Variants in SIPA1L1 observed in about 807,000 individuals in gnomAD.
SIPA1L1 encodes the protein signal-induced proliferation-associated 1-like protein 1.
In SIPA1L1, 26 loss-of-function variants were observed where a neutral mutation model predicts 162.7. The observed-to-expected ratio is 0.16, with a 90% CI of 0.12 to 0.22. SIPA1L1 has a LOEUF of 0.22. Among genes scored for constraint, SIPA1L1 ranks in the 10% least tolerant of loss-of-function variants. The pLI, the probability that SIPA1L1 is intolerant of heterozygous loss-of-function variation, is 1.00. For missense variants in SIPA1L1, 1,874 were observed against 2,241.0 expected (o/e 0.84, Z 3.31); for synonymous variants, 829 against 837.4 (o/e 0.99, Z 0.17).
chr14:71,592,826 C>T (rs915737107), intron 5 of SIPA1L1, among the ~76,000 whole-genome samples: 1 of 152,178 alleles, frequency 6.6e-6, no homozygotes, highest in Admixed American at 6.5e-5. Context: ...TGGAAAAATA[C>T]TGGATCAGTA....
chr14:71,652,453 A>G (rs1258180874), intron 8 of SIPA1L1, among the ~76,000 whole-genome samples: 3 of 152,240 alleles, frequency 2.0e-5, no homozygotes, highest in Non-Finnish European at 2.9e-5. Context: ...TTCAAGGATC[A>G]TTCCCACTGT....
intron 2 of SIPA1L1, among the ~76,000 whole-genome samples, chr14:71,335,754 G>A (rs2035028612): frequency 2.0e-5 from 3 of 152,122 alleles, no homozygotes; most frequent in Non-Finnish European, 4.4e-5. Flanking sequence ...TATAAAATAG[G>A]TTTACCCATC....
At chr14:71,473,456 A>G (rs895618588) in intron 2 of SIPA1L1, among the ~76,000 whole-genome samples, 5 of 152,160 alleles carry the variant, frequency 3.3e-5, no homozygotes, top group African/African-American at 1.2e-4. Context: ...ATCCCTTTTT[A>G]CACAGCTAGT....
At chr14:71,637,573 T>A (rs71427120) in intron 7 of SIPA1L1, among the ~76,000 whole-genome samples, 2,027 of 151,752 alleles carry the variant, frequency 0.013, 15 homozygotes, top group South Asian at 0.026. Context: ...CTACAAAAAA[T>A]TTAAAAAAAA....
At chr14:71,500,954 C>A (rs893891466) in intron 2 of SIPA1L1, among the ~76,000 whole-genome samples, 20 of 152,126 alleles carry the variant, frequency 1.3e-4, no homozygotes, top group African/African-American at 4.6e-4. Context: ...TGCGGTGACC[C>A]GAGATCGTGC....
At chr14:71,617,487 T>A (rs2038963373) in intron 5 of SIPA1L1, among the ~76,000 whole-genome samples, 1 of 152,250 alleles carries the variant, frequency 6.6e-6, no homozygotes, top group Non-Finnish European at 1.5e-5. Context: ...TCCCATTGTG[T>A]TTTTCTTCTT....
chr14:71,598,524 C>T (rs1259514871), intron 5 of SIPA1L1, among the ~76,000 whole-genome samples: 5 of 152,168 alleles, frequency 3.3e-5, no homozygotes, highest in African/African-American at 1.2e-4. Flanking sequence ...TTGAAACTAT[C>T]AGACAAACCC....
intron 2 of SIPA1L1, among the ~76,000 whole-genome samples, chr14:71,408,951 T>C (rs1464183239): frequency 6.6e-6 from 1 of 152,098 alleles, no homozygotes; most frequent in Non-Finnish European, 1.5e-5. Context: ...CCTAAAGACC[T>C]CCTCATGGTT....
intron 4 of SIPA1L1, among the ~76,000 whole-genome samples, chr14:71,581,021 T>C (rs947638973): frequency 5.3e-5 from 8 of 152,200 alleles, no homozygotes; most frequent in Admixed American, 4.6e-4. Context: ...AAATTTGTAA[T>C]GTATTTTCAG....
At chr14:71,659,641 A>G (rs1028664277) in intron 9 of SIPA1L1, among the ~76,000 whole-genome samples, 10 of 152,218 alleles carry the variant, frequency 6.6e-5, no homozygotes, top group African/African-American at 2.4e-4. Flanking sequence ...TGATCCTTAA[A>G]GAGAGCATAA....
chr14:71,542,302 TTCCTCCTCC>T, intron 4 of SIPA1L1, among the ~76,000 whole-genome samples: 1 of 148,892 alleles, frequency 6.7e-6, no homozygotes, highest in Non-Finnish European at 1.5e-5. Context: ...TCTTCTCCTC[TTCCTCCTCC>T]TCCTCTTCCT....
At chr14:71,356,110 C>A (rs145704212) in intron 2 of SIPA1L1, among the ~76,000 whole-genome samples, 1 of 152,164 alleles carries the variant, frequency 6.6e-6, no homozygotes, top group East Asian at 1.9e-4. Flanking sequence ...GACTCACCCC[C>A]CTTCTTCCAC....
intron 2 of SIPA1L1, among the ~76,000 whole-genome samples, chr14:71,495,037 A>T (rs1341834108): frequency 6.6e-6 from 1 of 152,128 alleles, no homozygotes; most frequent in African/African-American, 2.4e-5. Context: ...CAGACAGAGG[A>T]TTTTTTAATT....
chr14:71,524,598 C>T (rs549929035), intron 3 of SIPA1L1, among the ~76,000 whole-genome samples: 1 of 152,302 alleles, frequency 6.6e-6, no homozygotes, highest in South Asian at 2.1e-4. Context: ...GTCCTTTCAT[C>T]ATCTCAGTTT....
chr14:71,508,308 T>G (rs1222031352), intron 2 of SIPA1L1, among the ~76,000 whole-genome samples: 1 of 152,178 alleles, frequency 6.6e-6, no homozygotes, highest in African/African-American at 2.4e-5. Flanking sequence ...CCAGTAAAGG[T>G]GGCACTTTAA....
chr14:71,390,889 A>G (rs2040690916), intron 2 of SIPA1L1, among the ~76,000 whole-genome samples: 1 of 152,040 alleles, frequency 6.6e-6, no homozygotes, highest in Admixed American at 6.5e-5. Flanking sequence ...AAAAATCTCC[A>G]CTGGCCTTCT....
chr14:71,702,417 C>G lies in SIPA1L1; in HGVS notation c.3558C>G (p.Asp1186Glu). The change falls in exon 15 of 24, where the codon GAC becomes GAG. Residue 1186 changes from aspartate (D) to glutamate (E), a missense_variant. Asp to Glu is a conservative substitution (Grantham distance 45). This residue lies in a region of SIPA1L1 where 936 missense variants were observed against 1,051.9 expected (regional missense o/e 0.89). Coordinates refer to ENST00000381232, the MANE Select transcript of SIPA1L1 (RefSeq NM_001386936.1). ...GVSRRSPASI[D>E]RQNTQSDIGG... The stretch of plus-strand genomic sequence containing the variant: ...GCCGTAGATCCCCAGCCTCCATTGA[C>G]AGGCAGAACACCCAGTCAGATATTG... 1 of 1,614,134 alleles carries G rather than the reference C, an allele frequency of 6.2e-7. No homozygotes were observed. The highest frequency in any genetic ancestry group is 8.5e-7 in the Non-Finnish European group (1 of 1,179,968).
At chr14:71,344,716 T>C (rs568836633) in intron 2 of SIPA1L1, among the ~76,000 whole-genome samples, 4 of 152,232 alleles carry the variant, frequency 2.6e-5, no homozygotes, top group Admixed American at 2.6e-4. Context: ...TGCGCCACTA[T>C]GCCCAGCTAA....
At chr14:71,642,805 G>A (rs983195808) in intron 7 of SIPA1L1, among the ~76,000 whole-genome samples, 3 of 152,100 alleles carry the variant, frequency 2.0e-5, no homozygotes, top group Admixed American at 6.5e-5. Context: ...AGGAAAGATT[G>A]AACATTAAGT....
Sources: gnomAD v4.1 joint callset for allele counts (sites outside exome capture counted in the v4.1 genomes callset) on GRCh38, gnomAD v4.1.1 for gene constraint, gnomAD v4.1.1 regional missense constraint, MANE v1.5 for transcripts, NCBI Gene and HGNC (gene_info 2026-07-23, HGNC 2026-07-21) for gene names.